The following ZNF385D variants were observed in gnomAD, a reference collection of about 807,000 sequenced individuals.
ZNF385D encodes zinc finger protein 385D.
A neutral mutation model predicts 35.8 loss-of-function variants in ZNF385D; 15 were observed. The observed-to-expected ratio is 0.42, with a 90% CI of 0.28 to 0.64. The LOEUF (loss-of-function observed/expected upper bound fraction) is 0.64. Among genes scored for constraint, ZNF385D ranks in the 30% least tolerant of loss-of-function variants. The pLI, the probability that ZNF385D is intolerant of heterozygous loss-of-function variation, is 0.23. For synonymous variants in ZNF385D, 212 were observed against 186.8 expected, an observed-to-expected ratio of 1.13 and a Z score of -1.10; for missense variants, 474 against 494.6, an observed-to-expected ratio of 0.96 and a Z score of 0.39.
At chr3:21,552,963 G>A (rs560092870) in intron 3 of ZNF385D, among the ~76,000 whole-genome samples, 1 of 152,332 alleles carries the variant, frequency 6.6e-6, no homozygotes, top group Non-Finnish European at 1.5e-5. Flanking sequence ...GGAGGCAGAA[G>A]AGTGAGGCAA....
chr3:21,484,009 CA>C (rs1704841497), intron 4 of ZNF385D, among the ~76,000 whole-genome samples: 1 of 152,034 alleles, frequency 6.6e-6, no homozygotes, highest in East Asian at 1.9e-4. Context: ...GTAATTTGGA[CA>C]GGGGAAATTT....
chr3:22,281,346 C>G (rs1386504455), intron 2 of ZNF385D, among the ~76,000 whole-genome samples: 3 of 152,108 alleles, frequency 2.0e-5, no homozygotes, highest in Non-Finnish European at 4.4e-5. Context: ...AACTTTTCCC[C>G]ACTCAGTATA....
intron 3 of ZNF385D, among the ~76,000 whole-genome samples, chr3:22,077,472 C>A: frequency 6.6e-6 from 1 of 151,922 alleles, no homozygotes; most frequent in East Asian, 1.9e-4. Flanking sequence ...AGTTCAGGCA[C>A]AACTAAAATA....
intron 1 of ZNF385D, among the ~76,000 whole-genome samples, chr3:21,749,130 T>C (rs2069929188): frequency 6.6e-6 from 1 of 152,208 alleles, no homozygotes; most frequent in Non-Finnish European, 1.5e-5. Context: ...TTTCAAAGAG[T>C]AGAGTTTCAT....
chr3:22,153,128 T>C (rs1705356040), intron 3 of ZNF385D, among the ~76,000 whole-genome samples: 1 of 152,192 alleles, frequency 6.6e-6, no homozygotes, highest in Non-Finnish European at 1.5e-5. Flanking sequence ...GCTCCCTTCC[T>C]GACCTCTGCT....
intron 3 of ZNF385D, among the ~76,000 whole-genome samples, chr3:21,936,814 G>A (rs1056712195): frequency 6.6e-6 from 1 of 151,992 alleles, no homozygotes; most frequent in African/African-American, 2.4e-5. Context: ...ACCTCATTGT[G>A]CTGAAAAATA....
At chr3:22,313,861 G>C (rs1210223628) in intron 2 of ZNF385D, among the ~76,000 whole-genome samples, 1 of 152,118 alleles carries the variant, frequency 6.6e-6, no homozygotes, top group Non-Finnish European at 1.5e-5. Flanking sequence ...TGGATTCAAA[G>C]GTGGAAAAGA....
chr3:21,939,434 A>G (rs1244064689), intron 3 of ZNF385D, among the ~76,000 whole-genome samples: 1 of 152,158 alleles, frequency 6.6e-6, no homozygotes, highest in Non-Finnish European at 1.5e-5. Context: ...TTTACCATAG[A>G]ACTCAGAAAG....
chr3:21,855,535 T>A (rs1575783678), intron 3 of ZNF385D, among the ~76,000 whole-genome samples: 1 of 152,038 alleles, frequency 6.6e-6, no homozygotes, highest in Non-Finnish European at 1.5e-5. Context: ...AAAGTTAGAA[T>A]CACTGCATTA....
chr3:22,325,294 T>C lies in ZNF385D; in HGVS notation c.106+47156A>G, dbSNP rs1327389007. Among the ~76,000 whole-genome samples, 4 of 152,292 alleles carry C rather than the reference T, an allele frequency of 2.6e-5. No homozygotes were observed. The East Asian group carries it at 5.8e-4, about 22-fold the overall frequency. On this transcript the variant is annotated intron_variant, in intron 2 of 5. Transcript: ENST00000494108. ...GAACTTTTACATGTGGCTAGTAATA[T>C]TGGGGAACACTGAATGCTTCTTTGT...
chr3:22,033,839 C>T (rs1698155864), intron 3 of ZNF385D, among the ~76,000 whole-genome samples: 1 of 152,132 alleles, frequency 6.6e-6, no homozygotes, highest in Non-Finnish European at 1.5e-5. Context: ...AGCACTATGA[C>T]TAAAAATTCT....
chr3:21,482,989 G>C (rs1376234857), intron 4 of ZNF385D, among the ~76,000 whole-genome samples: 2 of 152,072 alleles, frequency 1.3e-5, no homozygotes, highest in Non-Finnish European at 2.9e-5. Context: ...TTAAAAACTA[G>C]AGATTATATT....
At position 21,455,437 on chromosome 3, in the gene ZNF385D, C is replaced by G. The variant is rs138745145; in HGVS notation, c.440-18234G>C. 6.2e-3 allele frequency among the ~76,000 whole-genome samples: 949 copies of G among 152,274 alleles called. 4 individuals are homozygous for G. Among genetic ancestry groups the G allele is most frequent in the African/African-American group, 0.022 (896 of 41,566 alleles). On this transcript the variant is annotated intron_variant, in intron 4 of 7. Coordinates refer to ENST00000281523, the MANE Select transcript of ZNF385D (RefSeq NM_024697.3). ...AGCCCTCAGAAATAATACCACACAT[C>G]TACAACCATCTGATCTTTGACAAAC...
Position 21,877,411 on chromosome 3 carries a change from G to C in ZNF385D, c.326-212383C>G, listed in dbSNP as rs1698036743. Among the ~76,000 whole-genome samples the C allele has an allele frequency of 2.0e-5, 3 of 152,132 alleles. No homozygotes were observed. The East Asian group carries it at 5.8e-4, about 29-fold the overall frequency. ...CCATTCTCTGAGACTGTGATTCTAG[G>C]GAGCACGCACATTCCCAGAAACGTG... is the stretch of plus-strand genomic sequence containing the variant. On this transcript the variant is annotated intron_variant, in intron 3 of 5. Transcript: ENST00000494108.
chr3:22,236,291 T>C (rs1231800667), intron 2 of ZNF385D, among the ~76,000 whole-genome samples: 1 of 152,150 alleles, frequency 6.6e-6, no homozygotes, highest in African/African-American at 2.4e-5. Context: ...TTTCAAGTTA[T>C]TGATGATAAT....
In ZNF385D at chr3:22,288,397, G is replaced by A. The variant is rs376227370; in HGVS notation, c.106+84053C>T. 1.4e-3 allele frequency among the ~76,000 whole-genome samples: 212 copies of A among 151,828 alleles called. 5 individuals carry two copies. The South Asian group carries it at 0.04, about 29-fold the overall frequency. ...AATGCATAGATGGTTTCACTTGACC[G>A]TTTCCCATAATTTTCTTAAGCCATC... On this transcript the variant is annotated intron_variant, in intron 2 of 5. Transcript: ENST00000494108.
chr3:22,075,897 T>TAC (rs1700440301), intron 3 of ZNF385D, among the ~76,000 whole-genome samples: 1 of 151,914 alleles, frequency 6.6e-6, no homozygotes, highest in Non-Finnish European at 1.5e-5. Context: ...ACCATCATAA[T>TAC]CCATCCAGTT....
chr3:21,615,453 A>G (rs1472886334), intron 2 of ZNF385D, among the ~76,000 whole-genome samples: 3 of 152,218 alleles, frequency 2.0e-5, no homozygotes, highest in Non-Finnish European at 4.4e-5. Flanking sequence ...AAATATACTA[A>G]TAACAGTGGT....
At chr3:21,934,010 A>AG (rs1344327736) in intron 3 of ZNF385D, among the ~76,000 whole-genome samples, 12 of 151,772 alleles carry the variant, frequency 7.9e-5, no homozygotes, top group Non-Finnish European at 1.6e-4. Flanking sequence ...GGTAATTAAA[A>AG]AAAAAATCCT....
Sources: allele counts gnomAD v4.1 joint callset (sites outside exome capture counted in the v4.1 genomes callset), GRCh38; gene constraint gnomAD v4.1.1; transcripts MANE v1.5; gene names NCBI Gene and HGNC (gene_info 2026-07-23, HGNC 2026-07-21).